The following ZNF322 variants were observed in gnomAD, a reference collection of about 807,000 sequenced individuals.
The protein encoded by ZNF322 is zinc finger protein 322, also known as HLA complex group 12.
ZNF322 carries 1 observed loss-of-function variant against 18.3 expected under a neutral mutation model. The observed-to-expected ratio is 0.05, with a 90% CI of 0.02 to 0.26. The LOEUF is 0.26. Among genes scored for constraint, ZNF322 ranks in the 10% least tolerant of loss-of-function variants. ZNF322 has a pLI of 1.00. For synonymous variants in ZNF322, 17 were observed against 130.7 expected (o/e 0.13, Z 5.93); for missense variants, 36 against 403.6 (o/e 0.09, Z 7.80).
intron 2 of ZNF322, among the ~76,000 whole-genome samples, chr6:26,650,012 T>A (rs1375703521): frequency 2.6e-5 from 4 of 151,908 alleles, no homozygotes; most frequent in African/African-American, 9.7e-5. Flanking sequence ...AAAAACATTT[T>A]ATATATATAA....
chr6:26,657,475 C>T (rs1414196043), intron 2 of ZNF322, among the ~76,000 whole-genome samples: 1 of 152,090 alleles, frequency 6.6e-6, no homozygotes, highest in Non-Finnish European at 1.5e-5. Flanking sequence ...CTGAAGATCA[C>T]TTCCTCAAAA....
At chr6:26,657,648 TC>T (rs1434480601) in intron 2 of ZNF322, among the ~76,000 whole-genome samples, 1 of 152,174 alleles carries the variant, frequency 6.6e-6, no homozygotes, top group Non-Finnish European at 1.5e-5. Flanking sequence ...TAGGACTTAG[TC>T]TTTTGCTTAC....
chr6:26,639,189 G>C (rs548648804), intron 3 of ZNF322, among the ~76,000 whole-genome samples: 16 of 152,248 alleles, frequency 1.1e-4, no homozygotes, highest in African/African-American at 3.8e-4. Context: ...GGTGATATCA[G>C]GCAAGTTTCT....
intron 2 of ZNF322, among the ~76,000 whole-genome samples, chr6:26,656,376 A>G (rs926932265): frequency 2.0e-5 from 3 of 152,240 alleles, no homozygotes; most frequent in Admixed American, 6.5e-5. Context: ...TAGATGCTTA[A>G]TAAATGGTAG....
chr6:26,640,465 A>T (rs1212767237), intron 3 of ZNF322, among the ~76,000 whole-genome samples: 1 of 152,150 alleles, frequency 6.6e-6, no homozygotes, highest in African/African-American at 2.4e-5. Context: ...TTCCTGGATG[A>T]AGGGCTCTTC....
intron 2 of ZNF322, among the ~76,000 whole-genome samples, chr6:26,649,673 GTGTATATATA>G (rs1452278920): frequency 3.4e-5 from 1 of 29,376 alleles, no homozygotes; most frequent in African/African-American, 1.6e-4. Context: ...GTGTGTGTGT[GTGTATATATA>G]TATATATATA....
chr6:26,639,162 T>TGACTCTAATTCGTA (rs1765422455), intron 3 of ZNF322, among the ~76,000 whole-genome samples: 2 of 152,310 alleles, frequency 1.3e-5, no homozygotes, highest in African/African-American at 4.8e-5. Context: ...AAGGTTTCTA[T>TGACTCTAATTCGTA]GACTCTAATT....
intron 1 of ZNF322, chr6:26,658,872 C>T (rs1343635324): frequency 6.6e-6 from 1 of 152,210 alleles, no homozygotes; most frequent in African/African-American, 2.4e-5. Flanking sequence ...TGTCAAGAAT[C>T]TTTCTATTAC....
intron 2 of ZNF322, among the ~76,000 whole-genome samples, chr6:26,652,567 G>A (rs1554149304): frequency 6.6e-6 from 1 of 152,144 alleles, no homozygotes; most frequent in Non-Finnish European, 1.5e-5. Context: ...GCAGGAGCCT[G>A]TAATTCCAGC....
intron 2 of ZNF322, 123 bp from the exon 3 acceptor site, chr6:26,643,851 T>A (rs782605944): frequency 2.6e-5 from 4 of 152,264 alleles, no homozygotes; most frequent in Non-Finnish European, 5.9e-5. Flanking sequence ...GGTTTTCTTA[T>A]CTAATCCCTT....
chr6:26,656,227 C>T (rs1765768166), intron 2 of ZNF322, among the ~76,000 whole-genome samples: 1 of 152,134 alleles, frequency 6.6e-6, no homozygotes, highest in African/African-American at 2.4e-5. Context: ...GGTTCAAATT[C>T]CCACTCTCCT....
At chr6:26,654,262 G>A (rs1369974334) in intron 2 of ZNF322, among the ~76,000 whole-genome samples, 2 of 152,112 alleles carry the variant, frequency 1.3e-5, no homozygotes, top group South Asian at 4.1e-4. Context: ...ATAAAGAAAC[G>A]TATATATGTG....
At chr6:26,649,845 A>G (rs1162951250) in intron 2 of ZNF322, among the ~76,000 whole-genome samples, 1 of 150,326 alleles carries the variant, frequency 6.7e-6, no homozygotes, top group African/African-American at 2.4e-5. Flanking sequence ...CTGGGATTGC[A>G]GGCATGCACC....
intron 2 of ZNF322, among the ~76,000 whole-genome samples, chr6:26,650,091 G>A (rs1765641930): frequency 6.6e-6 from 1 of 151,996 alleles, no homozygotes; most frequent in Non-Finnish European, 1.5e-5. Context: ...TTGAGATACA[G>A]GGACAATATA....
At chr6:26,658,006 G>A (rs1200904863) in intron 2 of ZNF322, among the ~76,000 whole-genome samples, 5 of 152,036 alleles carry the variant, frequency 3.3e-5, no homozygotes, top group African/African-American at 1.2e-4. Flanking sequence ...GGGTATATGG[G>A]ACCAAGAGAC....
chr6:26,638,318 G>T lies in ZNF322; in HGVS notation c.236C>A (p.Thr79Asn). The T allele has an allele frequency of 6.2e-7, 1 of 1,613,210 alleles. No individual in the cohort carries two copies. Among genetic ancestry groups the T allele is most frequent in the South Asian group, 1.1e-5 (1 of 91,054 alleles). ...AGTAAGATCTGAGCTTTGGACAAAG[G>T]TTTTCTCACACATATCACATTTATA... The part of the protein sequence containing the change: ...KPYKCDMCEK[T>N]FVQSSDLTSH... Residue 79 changes from threonine (T) to asparagine (N), a missense_variant, in exon 4 of 4, where the codon ACC becomes AAC. Thr to Asn is a moderately conservative substitution (Grantham distance 65, BLOSUM62 0). Transcript: ENST00000415922.
chr6:26,652,946 A>G (rs1765699585), intron 2 of ZNF322, among the ~76,000 whole-genome samples: 1 of 152,152 alleles, frequency 6.6e-6, no homozygotes, highest in Non-Finnish European at 1.5e-5. Flanking sequence ...CAGTTTTGCT[A>G]TGAACCTAAC....
intron 2 of ZNF322, among the ~76,000 whole-genome samples, chr6:26,656,816 C>A (rs1765779919): frequency 6.6e-6 from 1 of 151,844 alleles, no homozygotes; most frequent in Admixed American, 6.6e-5. Flanking sequence ...TCTTATTTGC[C>A]CTAAACAACC....
At chr6:26,657,737 C>T (rs1765807822) in intron 2 of ZNF322, among the ~76,000 whole-genome samples, 1 of 152,040 alleles carries the variant, frequency 6.6e-6, no homozygotes. Flanking sequence ...AAAAGGCAAT[C>T]ATTATCCTTG....
Sources: gnomAD v4.1 joint callset for allele counts (sites outside exome capture counted in the v4.1 genomes callset) on GRCh38, gnomAD v4.1.1 for gene constraint, MANE v1.5 for transcripts, NCBI Gene and HGNC (gene_info 2026-07-23, HGNC 2026-07-21) for gene names.